SMOC2: variants seen among roughly 807,000 people sequenced by gnomAD.
The protein encoded by SMOC2 is SPARC related modular calcium binding 2.
SMOC2 carries 39 observed loss-of-function variants against 61.4 expected under a neutral mutation model. The ratio of observed to expected loss-of-function variants is 0.64; its 90% CI spans 0.49 to 0.83. The LOEUF is 0.83. Ranked by LOEUF, SMOC2 falls within the 40% of genes least tolerant of loss-of-function variation. SMOC2 has a pLI of 0.00. For missense variants in SMOC2, 556 were observed against 592.9 expected (o/e 0.94, Z 0.65); for synonymous variants, 247 against 239.9 (o/e 1.03, Z -0.27).
At chr6:168,442,488 C>A (rs1159774052) in intron 1 of SMOC2, among the ~76,000 whole-genome samples, 1 of 152,258 alleles carries the variant, frequency 6.6e-6, no homozygotes, top group African/African-American at 2.4e-5. Flanking sequence ...ATCATTAATG[C>A]AATCGCCAGA....
At chr6:168,636,075 G>T (rs1179101456) in intron 9 of SMOC2, among the ~76,000 whole-genome samples, 1 of 152,178 alleles carries the variant, frequency 6.6e-6, no homozygotes, top group East Asian at 1.9e-4. Context: ...TTGTGTGACT[G>T]ATGAGGACAG....
intron 8 of SMOC2, among the ~76,000 whole-genome samples, chr6:168,605,661 G>A (rs1356290008): frequency 6.6e-6 from 1 of 152,146 alleles, no homozygotes; most frequent in East Asian, 1.9e-4. Context: ...CCAGGTGGCT[G>A]GCTTCCTGAT....
At chr6:168,610,987 CCTT>C (rs1785845550) in intron 9 of SMOC2, among the ~76,000 whole-genome samples, 1 of 152,234 alleles carries the variant, frequency 6.6e-6, no homozygotes, top group African/African-American at 2.4e-5. Flanking sequence ...CTAAACCACA[CCTT>C]CTTCTTGGAC....
At position 168,624,087 on chromosome 6, in the gene SMOC2, C is replaced by T. The variant is rs185215187; in HGVS notation, c.907+15848C>T. Among the ~76,000 whole-genome samples, 547 of 152,326 alleles carry T rather than the reference C, an allele frequency of 3.6e-3. 1 individual carries two copies. The highest frequency in any genetic ancestry group is 6.8e-3 in the Non-Finnish European group (466 of 68,032). On this transcript the variant is annotated intron_variant, in intron 9 of 12. Transcript: ENST00000356284. ...GGCCGTTCTTAGGACCAAATGGAGA[C>T]AGTAACAGGGTCAACAACCACCACC...
intron 1 of SMOC2, among the ~76,000 whole-genome samples, chr6:168,486,563 G>A (rs573640147): frequency 2.4e-4 from 37 of 151,730 alleles, no homozygotes; most frequent in African/African-American, 8.2e-4. Context: ...ATGGAAGAGC[G>A]CTGTTCTTTA....
chr6:168,536,349 G>A (rs895859621), intron 4 of SMOC2, among the ~76,000 whole-genome samples: 1 of 152,132 alleles, frequency 6.6e-6, no homozygotes, highest in African/African-American at 2.4e-5. Flanking sequence ...GCCTGGCCAT[G>A]CAGCTCAAGG....
intron 1 of SMOC2, among the ~76,000 whole-genome samples, chr6:168,507,691 T>C (rs1782907866): frequency 6.6e-6 from 1 of 152,250 alleles, no homozygotes; most frequent in South Asian, 2.1e-4. Flanking sequence ...AGAATGTATT[T>C]ATGTGCCATC....
chr6:168,510,933 T>C (rs1264069004), intron 2 of SMOC2, among the ~76,000 whole-genome samples: 2 of 152,198 alleles, frequency 1.3e-5, no homozygotes, highest in African/African-American at 4.8e-5. Flanking sequence ...AAGACATTCC[T>C]ATATACGGTC....
intron 7 of SMOC2, among the ~76,000 whole-genome samples, chr6:168,558,704 C>T (rs376155486): frequency 1.5e-4 from 23 of 152,306 alleles, no homozygotes; most frequent in Middle Eastern, 3.4e-3. Context: ...GTACTGGACT[C>T]GGCAAATAGG....
At chr6:168,497,273 C>T (rs1474113592) in intron 1 of SMOC2, among the ~76,000 whole-genome samples, 3 of 152,248 alleles carry the variant, frequency 2.0e-5, no homozygotes, top group Non-Finnish European at 4.4e-5. Context: ...CCTGGGCTGG[C>T]ATCTTCGTGT....
At chr6:168,609,049 C>T (rs779269538) in intron 9 of SMOC2, among the ~76,000 whole-genome samples, 34 of 152,156 alleles carry the variant, frequency 2.2e-4, no homozygotes, top group African/African-American at 7.2e-4. Context: ...TAAAGATGTT[C>T]GGCTTATAAA....
chr6:168,629,183 G>C (rs1786499738), intron 9 of SMOC2, among the ~76,000 whole-genome samples: 1 of 152,264 alleles, frequency 6.6e-6, no homozygotes, highest in African/African-American at 2.4e-5. Flanking sequence ...TGACACCACT[G>C]GTTCTCCAGA....
At chr6:168,457,475 C>T (rs759816497) in intron 1 of SMOC2, among the ~76,000 whole-genome samples, 5 of 152,188 alleles carry the variant, frequency 3.3e-5, no homozygotes, top group Non-Finnish European at 5.9e-5. Flanking sequence ...TGTTTCCCGT[C>T]GGGTGCCCAG....
chr6:168,490,338 A>G (rs1473017000), intron 1 of SMOC2, among the ~76,000 whole-genome samples: 1 of 152,216 alleles, frequency 6.6e-6, no homozygotes, highest in Admixed American at 6.5e-5. Flanking sequence ...GGGGAGGAAG[A>G]CAGAGACTCC....
intron 3 of SMOC2, among the ~76,000 whole-genome samples, chr6:168,527,326 CATA>C (rs1471373764): frequency 6.6e-6 from 1 of 152,166 alleles, no homozygotes; most frequent in Admixed American, 6.5e-5. Context: ...TTTCCCCACT[CATA>C]AGATGAGGGC....
intron 2 of SMOC2, among the ~76,000 whole-genome samples, chr6:168,518,779 G>T (rs531893294): frequency 2.6e-5 from 4 of 151,864 alleles, no homozygotes; most frequent in South Asian, 4.2e-4. Context: ...GTGTGTGCAT[G>T]TGTGAAAGCA....
At chr6:168,540,708 A>G (rs934638986) in intron 4 of SMOC2, among the ~76,000 whole-genome samples, 10 of 152,182 alleles carry the variant, frequency 6.6e-5, no homozygotes, top group Admixed American at 1.3e-4. Flanking sequence ...GAAAAGCCCA[A>G]TAGCACAGAG....
intron 1 of SMOC2, among the ~76,000 whole-genome samples, chr6:168,461,106 C>T (rs911071035): frequency 3.3e-5 from 5 of 152,204 alleles, no homozygotes; most frequent in African/African-American, 1.2e-4. Flanking sequence ...GCTTACAGTT[C>T]CATGTGGGTG....
rs1320034299 is a variant in SMOC2 at position 168,569,283 on chromosome 6, G to T, written c.637+20080G>T. On this transcript the variant is annotated intron_variant, in intron 7 of 12. Transcript: ENST00000356284. Reference sequence around the variant, plus strand: ...AATTGCAATCACCTAATGACATAGGGTATTGAATGACTTTCATATGCCTAT... The same window carrying T: ...AATTGCAATCACCTAATGACATAGGTTATTGAATGACTTTCATATGCCTAT... 2.6e-5 allele frequency among the ~76,000 whole-genome samples: 4 copies of T among 152,154 alleles called. No homozygotes were observed. The East Asian group carries it at 7.7e-4, about 29-fold the overall frequency.
Sources: allele counts gnomAD v4.1 joint callset (sites outside exome capture counted in the v4.1 genomes callset), GRCh38; gene constraint gnomAD v4.1.1; transcripts MANE v1.5; gene names NCBI Gene and HGNC (gene_info 2026-07-23, HGNC 2026-07-21).